Variants in PCDHA12 observed in about 807,000 individuals in gnomAD.
PCDHA12 encodes protocadherin alpha 12, also known as protocadherin alpha-12.
Under a neutral mutation model 60.0 loss-of-function variants are expected in PCDHA12, and 44 were observed. The observed-to-expected ratio is 0.73, with a 90% CI of 0.58 to 0.94. The LOEUF is 0.94. Among genes scored for constraint, PCDHA12 ranks in the 40% least tolerant of loss-of-function variants. The probability of loss-of-function intolerance (pLI) is 0.00; values close to 1 mark genes in which losing one functional copy is unlikely to be tolerated. For missense variants in PCDHA12, 1,276 were observed against 1,239.7 expected (o/e 1.03, Z -0.44); for synonymous variants, 569 against 553.0 (o/e 1.03, Z -0.40).
intron 1 of PCDHA12, chr5:140,968,844 G>A: frequency 1.2e-6 from 2 of 1,614,210 alleles, no homozygotes; most frequent in African/African-American, 1.3e-5. Context: ...GACACTCAGA[G>A]GCATGTTAAG....
At chr5:140,972,749 C>T (rs6899060) in intron 1 of PCDHA12, among the ~76,000 whole-genome samples, 3,772 of 151,356 alleles carry the variant, frequency 0.025, 151 homozygotes, top group African/African-American at 0.085. Flanking sequence ...CTGCAACCTC[C>T]GCCTCCCAAG....
At chr5:140,906,416 T>A (rs2072639287) in intron 1 of PCDHA12, among the ~76,000 whole-genome samples, 1 of 152,190 alleles carries the variant, frequency 6.6e-6, no homozygotes, top group African/African-American at 2.4e-5. Flanking sequence ...AGTCAATAAA[T>A]CTTATGTCAC....
intron 1 of PCDHA12, among the ~76,000 whole-genome samples, chr5:140,888,361 C>G (rs1445087911): frequency 2.0e-5 from 3 of 152,156 alleles, no homozygotes; most frequent in Non-Finnish European, 4.4e-5. Flanking sequence ...CTACTGGCAT[C>G]TAATAATGGA....
chr5:140,877,085 G>T lies in PCDHA12; in HGVS notation c.1613G>T (p.Arg538Leu). The T allele has an allele frequency of 6.2e-7, 1 of 1,613,214 alleles. No homozygotes were observed. The highest frequency in any genetic ancestry group is 8.5e-7 in the Non-Finnish European group (1 of 1,179,850). Residue 538 changes from arginine (R) to leucine (L), a missense_variant, in exon 1 of 4, where the codon CGC becomes CTC. Arg to Leu is a moderately radical substitution (Grantham distance 102, BLOSUM62 -2). Transcript: ENST00000398631. ...LELLQFQVSARDAGVPPLGSN... is the reference protein window; with the variant it reads ...LELLQFQVSALDAGVPPLGSN... ...CTGCTGCAGTTCCAGGTGAGCGCGCGCGACGCCGGCGTGCCGCCTCTGGGC... is the reference window on the plus strand; with the variant it reads ...CTGCTGCAGTTCCAGGTGAGCGCGCTCGACGCCGGCGTGCCGCCTCTGGGC...
At chr5:140,944,219 A>G (rs191111426) in intron 1 of PCDHA12, among the ~76,000 whole-genome samples, 202 of 152,176 alleles carry the variant, frequency 1.3e-3, no homozygotes, top group Non-Finnish European at 2.3e-3. Context: ...AGAGGGTTTT[A>G]CTCTGTCGCT....
chr5:140,902,767 G>A (rs1038910114), intron 1 of PCDHA12, among the ~76,000 whole-genome samples: 2 of 145,672 alleles, frequency 1.4e-5, no homozygotes, highest in African/African-American at 5.0e-5. Flanking sequence ...TTATGTCTTT[G>A]CATTCTCATA....
At position 140,875,971 on chromosome 5, in the gene PCDHA12, C is replaced by A. The variant is rs17844352; in HGVS notation, c.499C>A (p.Leu167Ile). 1.1e-5 allele frequency: 17 copies of A among 1,614,030 alleles called. No homozygotes were observed. The highest frequency in any genetic ancestry group is 1.4e-5 in the Non-Finnish European group (17 of 1,179,928). The change falls in exon 1 of 4, where the codon CTT becomes ATT. Residue 167 changes from leucine to isoleucine, a missense_variant. Coordinates refer to ENST00000398631, the MANE Select transcript of PCDHA12 (RefSeq NM_018903.4). ...TGATGCGGATATCGGCGTAAACTCT[C>A]TTTTGACCTATGCGTTAAGTCTAAA... Reference protein sequence around the residue: ...ASDADIGVNSLLTYALSLNEN... With the variant: ...ASDADIGVNSILTYALSLNEN...
intron 1 of PCDHA12, among the ~76,000 whole-genome samples, chr5:140,924,437 T>C (rs2081836231): frequency 6.6e-6 from 1 of 152,206 alleles, no homozygotes; most frequent in Non-Finnish European, 1.5e-5. Flanking sequence ...CTAGAAGAGA[T>C]AACGAATGGG....
At chr5:140,997,399 C>T (rs1453624678) in intron 3 of PCDHA12, among the ~76,000 whole-genome samples, 1 of 152,118 alleles carries the variant, frequency 6.6e-6, no homozygotes, top group Non-Finnish European at 1.5e-5. Flanking sequence ...TAGGCTCTAT[C>T]GTATGGCCTA....
In PCDHA12 at chr5:140,982,506, C is replaced by T. The variant is rs139355257; in HGVS notation, c.2458C>T (p.Arg820Trp). The change falls in exon 3 of 4, where the codon CGG (arginine) becomes TGG (tryptophan). Residue 820 changes from arginine to tryptophan, a missense_variant. Arg to Trp is a moderately radical substitution (Grantham distance 101). Coordinates refer to ENST00000398631, the MANE Select transcript of PCDHA12 (RefSeq NM_018903.4). ...GCACCTAGAGGAGGCTGGCATTCTACGGGCTGGTCCAGGAGGGCCTGATCA... is the reference window on the plus strand; with the variant it reads ...GCACCTAGAGGAGGCTGGCATTCTATGGGCTGGTCCAGGAGGGCCTGATCA... The part of the protein sequence containing the change: ...SVHLEEAGIL[R>W]AGPGGPDQQW... The T allele has an allele frequency of 3.5e-5, 57 of 1,614,162 alleles. No individual in the cohort carries two copies. Among genetic ancestry groups the T allele is most frequent in the Middle Eastern group, 3.3e-4 (2 of 6,058 alleles).
intron 1 of PCDHA12, among the ~76,000 whole-genome samples, chr5:140,901,967 T>C (rs2069024315): frequency 6.6e-6 from 1 of 152,134 alleles, no homozygotes; most frequent in East Asian, 1.9e-4. Flanking sequence ...CTATCGTAAA[T>C]GGGATTACTT....
Position 140,956,288 on chromosome 5 carries a change from C to A in PCDHA12, c.2368-22661C>A, listed in dbSNP as rs115259112. The stretch of plus-strand genomic sequence containing the variant: ...AGTGTGGTATTGGCTGTGGGTTTAT[C>A]ATATATATGGCTCTTATTATTTTGA... On this transcript the variant is annotated intron_variant, in intron 1 of 3. Transcript: ENST00000398631. Among the ~76,000 whole-genome samples, 994 of 152,174 alleles carry A rather than the reference C, an allele frequency of 6.5e-3. 6 individuals carry two copies. Among genetic ancestry groups the A allele is most frequent in the African/African-American group, 0.022 (916 of 41,532 alleles).
At chr5:141,007,156 G>A (rs1289202250) in intron 3 of PCDHA12, among the ~76,000 whole-genome samples, 2 of 152,148 alleles carry the variant, frequency 1.3e-5, no homozygotes, top group Non-Finnish European at 1.5e-5. Context: ...AACTGTCAAA[G>A]AACAGTCAGA....
intron 1 of PCDHA12, chr5:140,882,822 G>C: frequency 6.2e-7 from 1 of 1,614,198 alleles, no homozygotes; most frequent in South Asian, 1.1e-5. Context: ...GCACAAAACA[G>C]TCTTGAGCAA....
At chr5:140,949,745 T>C (rs114918785) in intron 1 of PCDHA12, among the ~76,000 whole-genome samples, 49 of 152,020 alleles carry the variant, frequency 3.2e-4, no homozygotes, top group African/African-American at 1.1e-3. Context: ...ACTGAAGTGC[T>C]TAGCCCATTC....
chr5:140,904,134 C>T (rs1583515585), intron 1 of PCDHA12, among the ~76,000 whole-genome samples: 2 of 152,002 alleles, frequency 1.3e-5, no homozygotes, highest in Admixed American at 6.6e-5. Flanking sequence ...ACCCATCACC[C>T]GAGCAGTATA....
chr5:140,953,778 A>AT, intron 1 of PCDHA12, among the ~76,000 whole-genome samples: 1 of 152,106 alleles, frequency 6.6e-6, no homozygotes, highest in South Asian at 2.1e-4. Context: ...ATATTTATTT[A>AT]TTTTTTTCTT....
intron 1 of PCDHA12, among the ~76,000 whole-genome samples, chr5:140,943,180 C>T (rs2093431387): frequency 6.7e-6 from 1 of 149,602 alleles, no homozygotes; most frequent in South Asian, 2.1e-4. Context: ...ATCGCTTGAA[C>T]CCTGGAGGTG....
intron 1 of PCDHA12, chr5:140,882,828 A>T: frequency 6.2e-7 from 1 of 1,614,226 alleles, no homozygotes; most frequent in Non-Finnish European, 8.5e-7. Context: ...AACAGTCTTG[A>T]GCAAATGTCT....
Sources: gnomAD v4.1 joint callset for allele counts (sites outside exome capture counted in the v4.1 genomes callset) on GRCh38, gnomAD v4.1.1 for gene constraint, MANE v1.5 for transcripts, NCBI Gene and HGNC (gene_info 2026-07-23, HGNC 2026-07-21) for gene names.